R3HDM1: variants seen among roughly 807,000 people sequenced by gnomAD.
The protein encoded by R3HDM1 is R3H domain-containing protein 1.
Under a neutral mutation model 141.1 loss-of-function variants are expected in R3HDM1, and 46 were observed. That is an observed-to-expected ratio of 0.33 (90% CI 0.26 to 0.42). R3HDM1 has a LOEUF of 0.42. R3HDM1 is among the 10% of genes least tolerant of loss of function. R3HDM1 has a pLI of 1.00. For missense variants in R3HDM1, 1,184 were observed against 1,368.3 expected, an observed-to-expected ratio of 0.87 and a Z score of 2.12; for synonymous variants, 435 against 472.9, an observed-to-expected ratio of 0.92 and a Z score of 1.04.
chr2:135,560,809 T>G (rs1701665337), intron 1 of R3HDM1, among the ~76,000 whole-genome samples: 1 of 151,902 alleles, frequency 6.6e-6, no homozygotes, highest in Non-Finnish European at 1.5e-5. Flanking sequence ...CATTCTGGAG[T>G]GTGAGGAGAG....
At chr2:135,700,570 A>G (rs2074059317) in intron 21 of R3HDM1, among the ~76,000 whole-genome samples, 1 of 152,230 alleles carries the variant, frequency 6.6e-6, no homozygotes, top group African/African-American at 2.4e-5. Context: ...ACACACCTTG[A>G]CAACTGTTCA....
intron 21 of R3HDM1, among the ~76,000 whole-genome samples, chr2:135,681,032 G>C (rs1376864711): frequency 6.6e-6 from 1 of 152,120 alleles, no homozygotes; most frequent in Non-Finnish European, 1.5e-5. Context: ...TTTTTCATCA[G>C]TAAGGGAGGG....
chr2:135,629,589 AAG>A, intron 7 of R3HDM1, among the ~76,000 whole-genome samples: 1 of 152,356 alleles, frequency 6.6e-6, no homozygotes, highest in East Asian at 1.9e-4. Context: ...AAAAATATGA[AAG>A]AAACAATTCT....
intron 1 of R3HDM1, among the ~76,000 whole-genome samples, chr2:135,563,310 C>G (rs1021360559): frequency 1.3e-4 from 20 of 152,134 alleles, no homozygotes; most frequent in Non-Finnish European, 4.4e-5. Context: ...GAAAAATCTT[C>G]TTTTTTCTAA....
chr2:135,648,849 A>G lies in R3HDM1; in HGVS notation c.1624-1053A>G, dbSNP rs74692958. Among the ~76,000 whole-genome samples, 640 of 151,442 alleles carry G rather than the reference A, an allele frequency of 4.2e-3. 7 individuals carry two copies. Among genetic ancestry groups the G allele is most frequent in the African/African-American group, 0.014 (596 of 41,298 alleles). ...AAAACCCTTTTTTTTCCTGAAACTC[A>G]GGAGTATTTCATTAATGGCCAGAGA... On this transcript the variant is annotated intron_variant, in intron 16 of 26. Transcript: ENST00000683871.
intron 9 of R3HDM1, 119 bp from the exon 10 acceptor site, chr2:135,635,771 A>G: frequency 8.1e-7 from 1 of 1,235,200 alleles, no homozygotes; most frequent in Non-Finnish European, 1.1e-6. Flanking sequence ...GCATCTATGG[A>G]TGGCACTAAA....
chr2:135,533,771 C>T (rs910849512), intron 1 of R3HDM1, among the ~76,000 whole-genome samples: 1 of 152,022 alleles, frequency 6.6e-6, no homozygotes, highest in African/African-American at 2.4e-5. Flanking sequence ...CTCAGCTACT[C>T]GGGAGGCTGA....
chr2:135,636,217 AG>A, intron 11 of R3HDM1, 34 bp downstream of exon 11: 1 of 1,592,240 alleles, frequency 6.3e-7, no homozygotes, highest in Non-Finnish European at 8.5e-7. Context: ...TTCATGTTAG[AG>A]TATATTCTAA....
intron 9 of R3HDM1, among the ~76,000 whole-genome samples, chr2:135,634,502 G>A (rs186122738): frequency 2.3e-4 from 35 of 152,120 alleles, no homozygotes; most frequent in African/African-American, 8.2e-4. Flanking sequence ...AAATTAGCTG[G>A]GCATGGTGGC....
intron 1 of R3HDM1, chr2:135,534,016 G>A (rs114351942): frequency 9.3e-4 from 913 of 985,318 alleles, no homozygotes; most frequent in Middle Eastern, 2.1e-3. Context: ...TGAGGGTGTT[G>A]TTGCAGCCTT....
Position 135,651,739 on chromosome 2 carries a change from C to A in R3HDM1, c.1735C>A (p.Leu579Ile). The A allele has an allele frequency of 6.2e-7, 1 of 1,608,218 alleles. No individual in the cohort carries two copies. Among genetic ancestry groups the A allele is most frequent in the South Asian group, 1.1e-5 (1 of 90,476 alleles). ...PTQQYSVQDN[L>I]GSQFSHMSLA... ...CTTCTTCCTTTTTTAGCAGGATAAC[C>A]TAGGGTCTCAGTTTAGCCACATGAG... is the stretch of plus-strand genomic sequence containing the variant. Residue 579 changes from leucine (L) to isoleucine (I), a missense_variant, in exon 18 of 27, where the codon CTA (leucine) becomes ATA (isoleucine). Coordinates refer to ENST00000683871, the MANE Select transcript of R3HDM1 (RefSeq NM_001378107.1).
intron 1 of R3HDM1, among the ~76,000 whole-genome samples, chr2:135,541,115 G>A (rs951395070): frequency 2.6e-5 from 4 of 152,226 alleles, no homozygotes; most frequent in African/African-American, 4.8e-5. Context: ...CACAGGCAGA[G>A]TACTTTTAGC....
At chr2:135,658,694 C>A (rs77894303) in intron 18 of R3HDM1, among the ~76,000 whole-genome samples, 7,875 of 152,200 alleles carry the variant, frequency 0.052, 278 homozygotes, top group Middle Eastern at 0.19. Context: ...CTTTTTAATT[C>A]TTTTCACTTT....
Position 135,666,978 on chromosome 2 carries a change from T to C in R3HDM1, c.2152+5585T>C, listed in dbSNP as rs114147069. The C allele has an allele frequency of 2.2e-3, 971 of 447,962 alleles. 8 individuals carry two copies. The highest frequency in any genetic ancestry group is 0.02 in the African/African-American group (916 of 46,388). 27.7% of individuals were successfully genotyped at this position (447,962 alleles called of 1,614,324 possible). A position where few individuals can be genotyped will look rare whatever the true frequency, so the allele number is the denominator to read the frequency against. ...GTGCTTCTATTGTACAAGCACAGTC[T>C]GGAAAAAAAATTAATAGGTACTATT... On this transcript the variant is annotated intron_variant, in intron 19 of 26. Transcript: ENST00000683871.
At chr2:135,616,037 C>T (rs2060991926) in intron 3 of R3HDM1, 115 bp from the exon 4 acceptor site, 2 of 940,696 alleles carry the variant, frequency 2.1e-6, no homozygotes, top group Non-Finnish European at 1.6e-6. Flanking sequence ...CTTTGATTTC[C>T]TCACTTTTCA....
chr2:135,647,667 A>G (rs770933466), intron 16 of R3HDM1, among the ~76,000 whole-genome samples: 5 of 152,248 alleles, frequency 3.3e-5, no homozygotes, highest in Non-Finnish European at 7.3e-5. Context: ...GTGATTCTCA[A>G]TGAATACCTT....
chr2:135,677,736 C>T (rs2069447475), intron 20 of R3HDM1, among the ~76,000 whole-genome samples: 1 of 152,080 alleles, frequency 6.6e-6, no homozygotes, highest in Non-Finnish European at 1.5e-5. Flanking sequence ...CAATAATAGT[C>T]ATCTGCTTTA....
chr2:135,631,841 G>C lies in R3HDM1; in HGVS notation c.558-20G>C, dbSNP rs1252826530. ...ACCATTCTCCTTGACTTACTAAGTTGGTTTTTCTTGTGCTTCTAGGTCTCC... is the reference window on the plus strand; with the variant it reads ...ACCATTCTCCTTGACTTACTAAGTTCGTTTTTCTTGTGCTTCTAGGTCTCC... On this transcript the variant is annotated intron_variant, in intron 8 of 26. Transcript: ENST00000683871. 7 of 1,595,972 alleles carry C rather than the reference G, an allele frequency of 4.4e-6. No individual in the cohort carries two copies. Among genetic ancestry groups the C allele is most frequent in the Non-Finnish European group, 6.0e-6 (7 of 1,171,910 alleles).
chr2:135,575,568 A>G (rs1705222084), intron 1 of R3HDM1, among the ~76,000 whole-genome samples: 1 of 152,220 alleles, frequency 6.6e-6, no homozygotes, highest in Non-Finnish European at 1.5e-5. Context: ...AATCCAAATG[A>G]TAATAGAATT....
Sources: allele counts gnomAD v4.1 joint callset (sites outside exome capture counted in the v4.1 genomes callset), GRCh38; gene constraint gnomAD v4.1.1; transcripts MANE v1.5; gene names NCBI Gene and HGNC (gene_info 2026-07-23, HGNC 2026-07-21).